Variants in GNA14 observed in about 807,000 individuals in gnomAD.
The protein encoded by GNA14 is guanine nucleotide-binding protein subunit alpha-14.
A neutral mutation model predicts 42.0 loss-of-function variants in GNA14; 50 were observed. The observed-to-expected ratio is 1.19, with a 90% CI of 0.95 to 1.51. The LOEUF is 1.51. GNA14 is among the 40% of genes most tolerant of loss of function. The pLI is 0.00. For synonymous variants in GNA14, 173 were observed against 163.1 expected (o/e 1.06, Z -0.46); for missense variants, 473 against 446.2 (o/e 1.06, Z -0.54).
chr9:77,587,501 A>G (rs1349758466), intron 1 of GNA14, among the ~76,000 whole-genome samples: 1 of 152,240 alleles, frequency 6.6e-6, no homozygotes, highest in Non-Finnish European at 1.5e-5. Flanking sequence ...ACATGCTACA[A>G]CATGGGTGAA....
intron 2 of GNA14, among the ~76,000 whole-genome samples, chr9:77,458,985 T>G (rs929103458): frequency 1.3e-5 from 2 of 151,468 alleles, no homozygotes; most frequent in African/African-American, 4.9e-5. Flanking sequence ...CAACAATAAG[T>G]CATCGCCCTC....
intron 2 of GNA14, among the ~76,000 whole-genome samples, chr9:77,500,824 C>T (rs7047853): frequency 0.57 from 86,682 of 152,124 alleles, 25,294 homozygotes; most frequent in East Asian, 0.84. Flanking sequence ...GCATAAGATA[C>T]TCAAGGTGTT....
chr9:77,515,639 C>CA (rs1179560483), intron 2 of GNA14, among the ~76,000 whole-genome samples: 2 of 152,050 alleles, frequency 1.3e-5, no homozygotes, highest in African/African-American at 4.8e-5. Context: ...AGGAAACAGA[C>CA]AGGAATACAG....
At chr9:77,581,111 T>A (rs545422846) in intron 1 of GNA14, among the ~76,000 whole-genome samples, 4 of 152,218 alleles carry the variant, frequency 2.6e-5, no homozygotes, top group Middle Eastern at 6.8e-3. Flanking sequence ...GATAACTAGA[T>A]CTATCTGCAG....
At chr9:77,439,922 T>A (rs370634106) in intron 2 of GNA14, among the ~76,000 whole-genome samples, 10 of 152,258 alleles carry the variant, frequency 6.6e-5, no homozygotes, top group African/African-American at 2.4e-4. Flanking sequence ...GTGGCCAGCA[T>A]CTAAGTGGAG....
At chr9:77,467,740 C>A (rs1836261988) in intron 2 of GNA14, among the ~76,000 whole-genome samples, 3 of 150,614 alleles carry the variant, frequency 2.0e-5, no homozygotes, top group African/African-American at 7.3e-5. Flanking sequence ...TTAGATAGAA[C>A]ACCCATGCCA....
chr9:77,465,818 G>C (rs770308873), intron 2 of GNA14, among the ~76,000 whole-genome samples: 107 of 152,068 alleles, frequency 7.0e-4, no homozygotes, highest in Non-Finnish European at 1.1e-3. Context: ...TGTTGCCCAG[G>C]CTGGTCTTGA....
chr9:77,560,776 T>C (rs1165343996), intron 1 of GNA14, among the ~76,000 whole-genome samples: 1 of 152,170 alleles, frequency 6.6e-6, no homozygotes, highest in African/African-American at 2.4e-5. Flanking sequence ...AGAAAGACAA[T>C]GCCTAATGCC....
rs138453772 is a variant in GNA14, at chr9:77,462,794, C to T, written c.310-28272G>A. On this transcript the variant is annotated intron_variant, in intron 2 of 6. Coordinates refer to ENST00000341700, the MANE Select transcript of GNA14 (RefSeq NM_004297.4). ...TCTGCCCCTCGATCCCTGACTCTGT[C>T]ATCTCCCTCACCACCATCCCTGCCT... Among the ~76,000 whole-genome samples, 710 of 152,122 alleles carry T rather than the reference C, an allele frequency of 4.7e-3. 3 individuals carry two copies. Among genetic ancestry groups the T allele is most frequent in the African/African-American group, 0.016 (672 of 41,490 alleles).
chr9:77,629,584 A>G (rs933317820), intron 1 of GNA14, among the ~76,000 whole-genome samples: 1 of 152,224 alleles, frequency 6.6e-6, no homozygotes, highest in Non-Finnish European at 1.5e-5. Context: ...TTGCAGGGAC[A>G]TGGATGAAGC....
intron 1 of GNA14, among the ~76,000 whole-genome samples, chr9:77,638,202 A>G (rs1824211779): frequency 6.6e-6 from 1 of 152,236 alleles, no homozygotes. Context: ...ACATTGCACC[A>G]GGCACAAAAC....
chr9:77,580,640 CCAGG>C (rs1418208034), intron 1 of GNA14: 3 of 387,908 alleles, frequency 7.7e-6, no homozygotes, highest in Non-Finnish European at 1.6e-5. Context: ...CTCCTCTCAG[CCAGG>C]CACTCACACT....
At chr9:77,629,377 G>A (rs1824059867) in intron 1 of GNA14, among the ~76,000 whole-genome samples, 1 of 152,140 alleles carries the variant, frequency 6.6e-6, no homozygotes, top group Admixed American at 6.6e-5. Flanking sequence ...TCCCATTACT[G>A]GGTATATACC....
chr9:77,465,031 C>T (rs1185322964), intron 2 of GNA14, among the ~76,000 whole-genome samples: 1 of 152,160 alleles, frequency 6.6e-6, no homozygotes, highest in Non-Finnish European at 1.5e-5. Flanking sequence ...AGAAGCCTCT[C>T]CTATAGGCTT....
chr9:77,618,289 C>T (rs1300307606), intron 1 of GNA14, among the ~76,000 whole-genome samples: 1 of 151,900 alleles, frequency 6.6e-6, no homozygotes, highest in African/African-American at 2.4e-5. Flanking sequence ...AATGTTTTCT[C>T]CGTGCTACTG....
intron 2 of GNA14, among the ~76,000 whole-genome samples, chr9:77,472,327 C>A (rs1587782806): frequency 6.6e-6 from 1 of 152,134 alleles, no homozygotes; most frequent in East Asian, 1.9e-4. Context: ...CCTCTCTGTT[C>A]CCTGAATCTT....
At chr9:77,569,477 T>C (rs1026650422) in intron 1 of GNA14, among the ~76,000 whole-genome samples, 1 of 152,168 alleles carries the variant, frequency 6.6e-6, no homozygotes, top group Admixed American at 6.5e-5. Flanking sequence ...TGTTGGGAAC[T>C]GTGAAATGGC....
chr9:77,644,437 C>CCAAAAAAAA (rs778013639), intron 1 of GNA14, among the ~76,000 whole-genome samples: 5 of 34,008 alleles, frequency 1.5e-4, no homozygotes, highest in Admixed American at 4.1e-4. Context: ...TAAAGAGTGT[C>CCAAAAAAAA]AAAAAAAAAA....
chr9:77,439,381 G>C (rs1298700996), intron 2 of GNA14, among the ~76,000 whole-genome samples: 1 of 152,244 alleles, frequency 6.6e-6, no homozygotes, highest in Non-Finnish European at 1.5e-5. Context: ...GCTCACGCCT[G>C]TTTTCCCACC....
Sources: allele counts gnomAD v4.1 joint callset (sites outside exome capture counted in the v4.1 genomes callset), GRCh38; gene constraint gnomAD v4.1.1; transcripts MANE v1.5; gene names NCBI Gene and HGNC (gene_info 2026-07-23, HGNC 2026-07-21).